The following TINAG variants were observed in gnomAD, a reference collection of about 807,000 sequenced individuals.
TINAG encodes the protein tubulointerstitial nephritis antigen.
In TINAG, 83 loss-of-function variants were observed where a neutral mutation model predicts 72.7. The observed-to-expected ratio is 1.14, with a 90% CI of 0.96 to 1.37. The LOEUF (loss-of-function observed/expected upper bound fraction) is 1.37, where lower values mean the gene tolerates loss of function less well. Ranked by LOEUF, TINAG falls within the 40% of genes most tolerant of loss-of-function variation. TINAG has a pLI of 0.00. For synonymous variants in TINAG, 234 were observed against 189.9 expected (o/e 1.23, Z -1.91); for missense variants, 685 against 576.6 (o/e 1.19, Z -1.93).
intron 3 of TINAG, among the ~76,000 whole-genome samples, chr6:54,324,124 A>G (rs1298798165): frequency 1.3e-5 from 2 of 152,224 alleles, no homozygotes; most frequent in Non-Finnish European, 2.9e-5. Context: ...AGGGAGATAT[A>G]TAAGTGTTTC....
rs181735844 is a variant in TINAG, at chr6:54,347,384, A to C, written c.766A>C (p.Ile256Leu). Residue 256 changes from isoleucine to leucine, a missense_variant, in exon 6 of 11, where the codon ATA becomes CTA. Ile to Leu is a conservative substitution (Grantham distance 5). Transcript: ENST00000259782. ...TGAAACAGGTGTGGCTGCTGACCGA[A>C]TAGCAATTCAGTCTAAGGGTCGATA... ...FSTASVAADRIAIQSKGRYTA... is the reference protein window; with the variant it reads ...FSTASVAADRLAIQSKGRYTA... 16 of 1,612,742 alleles carry C rather than the reference A, an allele frequency of 9.9e-6. No homozygotes were observed. The Admixed American group carries it at 1.0e-4, about 10-fold the overall frequency.
At chr6:54,314,122 T>G (rs1784320235) in intron 1 of TINAG, among the ~76,000 whole-genome samples, 1 of 152,218 alleles carries the variant, frequency 6.6e-6, no homozygotes. Context: ...GTTGAGTATA[T>G]TAAAATGGTT....
At chr6:54,313,299 G>C (rs1346099050) in intron 1 of TINAG, among the ~76,000 whole-genome samples, 1 of 151,968 alleles carries the variant, frequency 6.6e-6, no homozygotes, top group East Asian at 1.9e-4. Context: ...GATTAGTTAG[G>C]GATCGTATTC....
In TINAG at chr6:54,357,311, G is replaced by T. The variant is rs9474820; in HGVS notation, c.1250+2675G>T. 7.9e-3 allele frequency among the ~76,000 whole-genome samples: 1,204 copies of T among 151,920 alleles called. 13 individuals are homozygous for T. The highest frequency in any genetic ancestry group is 0.028 in the African/African-American group (1,141 of 41,464). On this transcript the variant is annotated intron_variant, in intron 9 of 10. Coordinates refer to ENST00000259782, the MANE Select transcript of TINAG (RefSeq NM_014464.4). ...TGCTTCTAGTCTCACTGTGTCTGGT[G>T]AGCTCATCATTCTCTGAGTTCATCC...
intron 9 of TINAG, among the ~76,000 whole-genome samples, chr6:54,378,693 A>G (rs1019218613): frequency 2.6e-5 from 4 of 152,162 alleles, no homozygotes; most frequent in African/African-American, 9.6e-5. Flanking sequence ...GGTATACACC[A>G]CATTCTGAAG....
intron 10 of TINAG, among the ~76,000 whole-genome samples, chr6:54,386,561 T>A (rs556965319): frequency 6.9e-4 from 105 of 151,928 alleles, no homozygotes; most frequent in Middle Eastern, 3.2e-3. Context: ...TCACACAGAG[T>A]TTTACAGATC....
At chr6:54,349,559 T>C (rs1034860807) in intron 6 of TINAG, among the ~76,000 whole-genome samples, 157 bp from the exon 7 acceptor site, 2 of 151,962 alleles carry the variant, frequency 1.3e-5, no homozygotes, top group African/African-American at 4.8e-5. Context: ...TGTAATGTCA[T>C]TGAGCTTCTG....
At chr6:54,371,484 AT>A (rs1763605281) in intron 9 of TINAG, among the ~76,000 whole-genome samples, 1 of 151,812 alleles carries the variant, frequency 6.6e-6, no homozygotes, top group Admixed American at 6.6e-5. Context: ...AATTAAAAAA[AT>A]AGAATTTAGA....
chr6:54,340,762 T>C (rs1466362001), intron 4 of TINAG, among the ~76,000 whole-genome samples: 1 of 152,076 alleles, frequency 6.6e-6, no homozygotes, highest in African/African-American at 2.4e-5. Context: ...AAAAGTGTCA[T>C]TTTGCTTGTT....
At chr6:54,370,557 C>T (rs766196270) in intron 9 of TINAG, among the ~76,000 whole-genome samples, 1 of 152,124 alleles carries the variant, frequency 6.6e-6, no homozygotes, top group Non-Finnish European at 1.5e-5. Flanking sequence ...AGGCATCCTG[C>T]TAGTGCTGGA....
chr6:54,370,147 A>G (rs1347936736), intron 9 of TINAG, among the ~76,000 whole-genome samples: 1 of 152,100 alleles, frequency 6.6e-6, no homozygotes, highest in African/African-American at 2.4e-5. Context: ...AATAAATGAC[A>G]GTTGGTTCTT....
At chr6:54,343,678 A>C (rs190284716) in intron 5 of TINAG, among the ~76,000 whole-genome samples, 1 of 152,054 alleles carries the variant, frequency 6.6e-6, no homozygotes, top group Non-Finnish European at 1.5e-5. Context: ...TTCATATATT[A>C]TTTATAATTC....
chr6:54,375,074 A>G (rs533187904), intron 9 of TINAG, among the ~76,000 whole-genome samples: 2 of 152,224 alleles, frequency 1.3e-5, no homozygotes, highest in East Asian at 3.9e-4. Context: ...GCTACAGTGT[A>G]ATATACCTAC....
Position 54,347,596 on chromosome 6 carries a change from ATTTTT to A in TINAG, c.899+80_899+84del. On this transcript the variant is annotated intron_variant, in intron 6 of 10. Transcript: ENST00000259782. ...TTAGAACAAGGAAAATAATCCCAAG[ATTTTT>A]ACAAAAAAGTACTTAAAAATATATA... The A allele has an allele frequency of 4.7e-6, 7 of 1,478,300 alleles. No homozygotes were observed. The Admixed American group carries it at 1.4e-4, about 29-fold the overall frequency. 91.6% of individuals were successfully genotyped at this position (1,478,300 alleles called of 1,614,324 possible). A position where few individuals can be genotyped will look rare whatever the true frequency, so the allele number is the denominator to read the frequency against.
At chr6:54,352,651 G>T (rs1359986189) in intron 8 of TINAG, among the ~76,000 whole-genome samples, 1 of 151,444 alleles carries the variant, frequency 6.6e-6, no homozygotes, top group African/African-American at 2.4e-5. Context: ...GGCATTTGCT[G>T]TTTAAATAAC....
intron 9 of TINAG, among the ~76,000 whole-genome samples, chr6:54,365,958 A>G (rs1016997539): frequency 6.6e-6 from 1 of 151,594 alleles, no homozygotes; most frequent in Non-Finnish European, 1.5e-5. Context: ...TGAGCCTAGG[A>G]GTTCATGAAC....
intron 2 of TINAG, among the ~76,000 whole-genome samples, 180 bp from the exon 3 acceptor site, chr6:54,321,117 C>T (rs1378631223): frequency 1.3e-5 from 2 of 152,160 alleles, no homozygotes; most frequent in Non-Finnish European, 1.5e-5. Context: ...AGGATTACAG[C>T]ATATTGAGTG....
intron 1 of TINAG, among the ~76,000 whole-genome samples, chr6:54,316,918 A>G (rs942718488): frequency 5.3e-5 from 8 of 152,152 alleles, no homozygotes; most frequent in African/African-American, 1.4e-4. Flanking sequence ...TATTTGCCTA[A>G]TATTGCTTTA....
intron 9 of TINAG, among the ~76,000 whole-genome samples, chr6:54,359,634 A>T (rs1243221671): frequency 6.6e-6 from 1 of 151,844 alleles, no homozygotes; most frequent in East Asian, 1.9e-4. Context: ...ATAAACTCCT[A>T]GAAAATTGGG....
Sources: gnomAD v4.1 joint callset for allele counts (sites outside exome capture counted in the v4.1 genomes callset) on GRCh38, gnomAD v4.1.1 for gene constraint, MANE v1.5 for transcripts, NCBI Gene and HGNC (gene_info 2026-07-23, HGNC 2026-07-21) for gene names.